MSH6: variants seen among roughly 807,000 people sequenced by gnomAD.
The protein encoded by MSH6 is mutS homolog 6, also known as DNA mismatch repair protein Msh6.
A neutral mutation model predicts 119.1 loss-of-function variants in MSH6; 85 were observed. The ratio of observed to expected loss-of-function variants is 0.71; its 90% CI spans 0.60 to 0.85. The LOEUF is 0.85. Ranked by LOEUF, MSH6 falls within the 40% of genes least tolerant of loss-of-function variation. The pLI is 0.00. For synonymous variants in MSH6, 830 were observed against 586.9 expected (o/e 1.41, Z -5.99); for missense variants, 2,163 against 1,655.3 (o/e 1.31, Z -5.32).
At position 47,804,773 on chromosome 2, in the gene MSH6, G is replaced by C. The variant is rs192684944; in HGVS notation, c.3439-137G>C. ...TCTCCATGTTAGCAAATGGATTTCA[G>C]AACAGAACCAACGTACATGTGATTG... On this transcript the variant is annotated intron_variant, in intron 5 of 9. Transcript: ENST00000234420. The C allele has an allele frequency of 1.1e-3, 802 of 747,926 alleles. 3 individuals carry two copies. The highest frequency in any genetic ancestry group is 1.1e-3 in the Non-Finnish European group (450 of 411,354). The allele number at this position is 747,926 out of a possible 1,614,324, so 46.3% of individuals were successfully genotyped here.
rs1057522695 is a variant in MSH6, at chr2:47,795,881, C to A, written c.458-13C>A. On this transcript the variant is annotated splice_polypyrimidine_tract_variant and intron_variant, in intron 2 of 9. Coordinates refer to ENST00000234420, the MANE Select transcript of MSH6 (RefSeq NM_000179.3). Reference sequence around the variant, plus strand: ...ACCCGGCCCTTATTGTTTATAAATACATTTCTTTCTAGGTTCAAAATCAAA... The same window carrying A: ...ACCCGGCCCTTATTGTTTATAAATAAATTTCTTTCTAGGTTCAAAATCAAA... The A allele has an allele frequency of 3.1e-6, 5 of 1,611,984 alleles. No homozygotes were observed. Among genetic ancestry groups the A allele is most frequent in the Non-Finnish European group, 2.5e-6 (3 of 1,178,720 alleles).
rs1669242170 is a variant in MSH6, at chr2:47,798,640, TGAA to T, written c.663_665del (p.Glu221del). Reference sequence around the variant, plus strand: ...GCACAACTTACGTAACAGATAAGAGTGAAGAAGATAATGAAATTGAGAGTGAAG... The same window carrying T: ...GCACAACTTACGTAACAGATAAGAGTGAAGATAATGAAATTGAGAGTGAAG... On this transcript the variant is annotated inframe_deletion, in exon 4 of 10. Coordinates refer to ENST00000234420, the MANE Select transcript of MSH6 (RefSeq NM_000179.3). 1 of 1,611,906 alleles carries T rather than the reference TGAA, an allele frequency of 6.2e-7. No homozygotes were observed. The highest frequency in any genetic ancestry group is 1.7e-5 in the Admixed American group (1 of 59,974).
chr2:47,787,444 C>A (rs1668413964), intron 1 of MSH6, among the ~76,000 whole-genome samples: 1 of 152,262 alleles, frequency 6.6e-6, no homozygotes, highest in East Asian at 1.9e-4. Context: ...TTAGACAAAG[C>A]CATTACTTAT....
Position 47,798,704 on chromosome 2 carries a change from A to C in MSH6, c.721A>C (p.Ser241Arg), listed in dbSNP as rs769962086. 2 of 1,614,182 alleles carry C rather than the reference A, an allele frequency of 1.2e-6. No homozygotes were observed. Among genetic ancestry groups the C allele is most frequent in the Non-Finnish European group, 1.7e-6 (2 of 1,180,040 alleles). The change falls in exon 4 of 10, where the codon AGT becomes CGT. Residue 241 changes from serine (S) to arginine (R), a missense_variant. Coordinates refer to ENST00000234420, the MANE Select transcript of MSH6 (RefSeq NM_000179.3). Reference protein sequence around the residue: ...VQPKTQGSRRSSRQIKKRRVI... With the variant: ...VQPKTQGSRRRSRQIKKRRVI... ...GCCTAAGACACAAGGATCTAGGCGA[A>C]GTAGCCGCCAAATAAAAAAACGAAG... is the stretch of plus-strand genomic sequence containing the variant.
At chr2:47,786,445 C>T (rs1028145772) in intron 1 of MSH6, among the ~76,000 whole-genome samples, 1 of 151,902 alleles carries the variant, frequency 6.6e-6, no homozygotes, top group Admixed American at 6.6e-5. Context: ...AGCGATTCTC[C>T]TGCCTCATCC....
intron 2 of MSH6, among the ~76,000 whole-genome samples, chr2:47,791,700 A>T (rs1270506574): frequency 4.4e-5 from 6 of 137,458 alleles, no homozygotes; most frequent in Admixed American, 7.7e-5. Context: ...TTTTCTGGAG[A>T]CAGAGTCTCA....
intron 1 of MSH6, among the ~76,000 whole-genome samples, chr2:47,788,922 G>GTTTTTTTTGTTTTTGTTTTTTT (rs1668541391): frequency 1.5e-4 from 6 of 40,930 alleles, no homozygotes; most frequent in African/African-American, 6.0e-4. Flanking sequence ...TTTTTTTTTT[G>GTTTTTTTTGTTTTTGTTTTTTT]TTTTTTTTTT....
chr2:47,801,327 G>A (rs1484955636), intron 4 of MSH6, 172 bp downstream of exon 4: 11 of 354,666 alleles, frequency 3.1e-5, no homozygotes, highest in South Asian at 5.4e-5. Context: ...CTTGAAACTC[G>A]CTTTTATCTT....
In MSH6 at chr2:47,799,256, A is replaced by G. The variant is rs63749971; in HGVS notation, c.1273A>G (p.Ile425Val). The G allele has an allele frequency of 1.2e-5, 19 of 1,614,122 alleles. No individual in the cohort carries two copies. The highest frequency in any genetic ancestry group is 1.6e-5 in the Non-Finnish European group (19 of 1,180,022). ...QIKSQNFDLV[I>V]CYKVGKFYEL... ...TAAGTCTCAGAACTTTGATCTTGTC[A>G]TCTGTTACAAGGTGGGGAAATTTTA... Residue 425 changes from isoleucine to valine, a missense_variant, in exon 4 of 10, where the codon ATC (isoleucine) becomes GTC (valine). Ile to Val is a conservative substitution (Grantham distance 29, BLOSUM62 3). Coordinates refer to ENST00000234420, the MANE Select transcript of MSH6 (RefSeq NM_000179.3).
intron 3 of MSH6, chr2:47,798,077 T>TA (rs1355827133): frequency 4.8e-6 from 1 of 210,200 alleles, no homozygotes; most frequent in African/African-American, 2.3e-5. Flanking sequence ...CTGCTACACT[T>TA]ACAGCAAGTC....
intron 1 of MSH6, among the ~76,000 whole-genome samples, chr2:47,786,740 T>C (rs1668375518): frequency 6.6e-6 from 1 of 152,196 alleles, no homozygotes; most frequent in Admixed American, 6.5e-5. Context: ...CCTAGTTCTT[T>C]GTCATTTGTG....
In MSH6 at chr2:47,806,953, A is replaced by G. The variant is rs1284334358; in HGVS notation, c.*93A>G. ...TAATAAACTTTATTTTTTAAAAATG[A>G]CCATTTTTCCATTTTCTTTCTAGGA... On this transcript the variant is annotated 3_prime_UTR_variant, in exon 10 of 10. Transcript: ENST00000234420. 4 of 990,116 alleles carry G rather than the reference A, an allele frequency of 4.0e-6. No individual in the cohort carries two copies. Among genetic ancestry groups the G allele is most frequent in the South Asian group, 2.7e-5 (2 of 72,742 alleles). The allele number at this position is 990,116 out of a possible 1,614,324, so 61.3% of individuals were successfully genotyped here. A position where few individuals can be genotyped will look rare whatever the true frequency, so the allele number is the denominator to read the frequency against.
In MSH6 at chr2:47,800,612, G is replaced by A. The variant is rs730881797; in HGVS notation, c.2629G>A (p.Glu877Lys). 1.2e-6 allele frequency: 2 copies of A among 1,614,082 alleles called. No homozygotes were observed. The highest frequency in any genetic ancestry group is 2.2e-5 in the East Asian group (1 of 44,902). Residue 877 changes from glutamate (E) to lysine (K), a missense_variant, in exon 4 of 10, where the codon GAA becomes AAA. By Grantham distance (56) the Glu-to-Lys change is moderately conservative. Transcript: ENST00000234420. The stretch of plus-strand genomic sequence containing the variant: ...GTGTAAAATTATAGGGATCATGGAA[G>A]AAGTTGCTGATGGTTTTAAGTCTAA... ...VMCKIIGIME[E>K]VADGFKSKIL...
At chr2:47,791,184 CAG>C (rs267608034) in intron 2 of MSH6, 61 bp downstream of exon 2, 1 of 1,475,180 alleles carries the variant, frequency 6.8e-7, no homozygotes. Context: ...GTGAGAGAAA[CAG>C]ACAGACAGGC....
chr2:47,800,251 A>C lies in MSH6; in HGVS notation c.2268A>C (p.Gly756=), dbSNP rs142246608. The C allele has an allele frequency of 2.9e-5, 47 of 1,614,212 alleles. No homozygotes were observed. Among genetic ancestry groups the C allele is most frequent in the Non-Finnish European group, 3.8e-5 (45 of 1,180,036 alleles). ...ATGGAACAAATGGTTCTACTGAAGG[A>C]ACCCTACTAGAGAGGGTTGATACTT... ...FLNGTNGSTE[G]TLLERVDTCH... is the part of the protein sequence containing the mutation. The change falls in exon 4 of 10, where the codon GGA becomes GGC. Residue 756 remains glycine, a synonymous_variant. Transcript: ENST00000234420.
rs1303047277 is a variant in MSH6, at chr2:47,803,514, A to C, written c.3267A>C (p.Leu1089Phe). The change falls in exon 5 of 10, where the codon TTA (leucine) becomes TTC (phenylalanine). Residue 1089 changes from leucine (L) to phenylalanine (F), a missense_variant. Physicochemically the swap from Leu to Phe is conservative, Grantham distance 22. Coordinates refer to ENST00000234420, the MANE Select transcript of MSH6 (RefSeq NM_000179.3). ...ILLPEDTPPFLELKGSRHPCI... is the reference protein window; with the variant it reads ...ILLPEDTPPFFELKGSRHPCI... ...TGCCGGAAGATACCCCCCCCTTCTT[A>C]GAGCTTAAAGGATCACGCCATCCTT... 1.9e-6 allele frequency: 3 copies of C among 1,614,058 alleles called. No homozygotes were observed. The highest frequency in any genetic ancestry group is 2.5e-6 in the Non-Finnish European group (3 of 1,180,038).
chr2:47,790,639 G>C (rs552577755), intron 1 of MSH6, among the ~76,000 whole-genome samples: 33 of 152,256 alleles, frequency 2.2e-4, no homozygotes, highest in African/African-American at 7.2e-4. Context: ...CCTGCCATCA[G>C]CATTATACCA....
rs3136361 is a variant in MSH6, at chr2:47,805,860, GATAAAAGGTGATATT to G, written c.3646+154_3646+168del. On this transcript the variant is annotated intron_variant, in intron 7 of 9. Coordinates refer to ENST00000234420, the MANE Select transcript of MSH6 (RefSeq NM_000179.3). The stretch of plus-strand genomic sequence containing the variant: ...ATTGTGGCACAGACCGATAGTTGGA[GATAAAAGGTGATATT>G]GTGAAAGGTTTTTGATTACCCATTA... 0.023 allele frequency among the ~76,000 whole-genome samples: 3,440 copies of G among 152,286 alleles called. 145 individuals carry two copies. Among genetic ancestry groups the G allele is most frequent in the African/African-American group, 0.079 (3,268 of 41,530 alleles).
At position 47,788,246 on chromosome 2, in the gene MSH6, C is replaced by CTTTTTTT. The variant is rs560110301; in HGVS notation, c.261-2661_261-2655dup. On this transcript the variant is annotated intron_variant, in intron 1 of 9. Coordinates refer to ENST00000234420, the MANE Select transcript of MSH6 (RefSeq NM_000179.3). ...ATTTCTTTTCTTTCATTCTTTCTTTCTTTTTTTTTTTTTTTTTTTTTTTTT... is the reference window on the plus strand; with the variant it reads ...ATTTCTTTTCTTTCATTCTTTCTTTCTTTTTTTTTTTTTTTTTTTTTTTTTTTTTTTT... 1.4e-3 allele frequency among the ~76,000 whole-genome samples: 127 copies of CTTTTTTT among 90,060 alleles called. 2 individuals carry two copies. Among genetic ancestry groups the CTTTTTTT allele is most frequent in the Non-Finnish European group, 1.5e-3 (75 of 48,416 alleles). 59.1% of individuals were successfully genotyped at this position (90,060 alleles called of 152,430 possible).
Sources: allele counts gnomAD v4.1 joint callset (sites outside exome capture counted in the v4.1 genomes callset), GRCh38; gene constraint gnomAD v4.1.1; transcripts MANE v1.5; gene names NCBI Gene and HGNC (gene_info 2026-07-23, HGNC 2026-07-21).